MUC3A: variants seen among roughly 807,000 people sequenced by gnomAD.
MUC3A encodes mucin 3A, cell surface associated, also known as mucin-3A.
In MUC3A, 109 loss-of-function variants were observed where a neutral mutation model predicts 109.0. The observed-to-expected ratio is 1.00, with a 90% CI of 0.86 to 1.17. The LOEUF is 1.17. MUC3A is among the 50% of genes most tolerant of loss of function. The pLI, the probability that MUC3A is intolerant of heterozygous loss-of-function variation, is 0.00. For synonymous variants in MUC3A, 1,398 were observed against 981.4 expected (o/e 1.42, Z -7.93); for missense variants, 3,537 against 2,469.4 (o/e 1.43, Z -9.16).
chr7:100,963,164 C>T lies in MUC3A; in HGVS notation c.9066C>T (p.Thr3022=), dbSNP rs549733726. ...TGCTCTGTGTAGATGTAGTGGAGAC[C>T]GAGGTGGGCATGGAAGTGTCTGTGG... is the stretch of plus-strand genomic sequence containing the variant. ...VEQVDLDVVE[T]EVGMEVSVDQ... is the part of the protein sequence containing the mutation. Residue 3022 remains threonine (T), a synonymous_variant, in exon 4 of 12, where the codon ACC becomes ACT. Transcript: ENST00000379458. 1.8e-5 allele frequency: 28 copies of T among 1,598,242 alleles called. No homozygotes were observed. Among genetic ancestry groups the T allele is most frequent in the Admixed American group, 1.5e-4 (9 of 59,994 alleles).
chr7:100,953,066 G>A lies in MUC3A; in HGVS notation c.1287G>A (p.Val429=). The stretch of plus-strand genomic sequence containing the variant: ...TTCCCCCTACCTCAGGTACTATGGT[G>A]ACTTCCACAACCATGACCCCATCTT... The part of the protein sequence containing the change: ...SSLPPTSGTM[V]TSTTMTPSSL... The change falls in exon 2 of 12, where the codon GTG becomes GTA. Residue 429 remains valine (V), a synonymous_variant. Transcript: ENST00000379458. 3 of 1,366,328 alleles carry A rather than the reference G, an allele frequency of 2.2e-6. No individual in the cohort carries two copies. The highest frequency in any genetic ancestry group is 1.2e-5 in the South Asian group (1 of 85,986). The allele number at this position is 1,366,328 out of a possible 1,614,324, so 84.6% of individuals were successfully genotyped here.
chr7:100,962,257 A>C (rs1309951671), intron 3 of MUC3A, among the ~76,000 whole-genome samples: 3 of 150,716 alleles, frequency 2.0e-5, no homozygotes, highest in East Asian at 4.0e-4. Flanking sequence ...AAAAAAAAAA[A>C]AAAAAAAAAA....
chr7:100,964,985 A>ATGCCAT, intron 6 of MUC3A, 142 bp downstream of exon 6: 5 of 1,340,826 alleles, frequency 3.7e-6, no homozygotes, highest in Non-Finnish European at 5.0e-6. Context: ...TCCACACACA[A>ATGCCAT]CGGTGTCAAG....
Position 100,954,771 on chromosome 7 carries a change from G to C in MUC3A, c.2992G>C (p.Val998Leu). ...TLTPTTDIST[V>L]SLTTAMTSPP... Reference sequence around the variant, plus strand: ...GACTCCTACAACTGACATTTCTACAGTATCTCTCACAACAGCCATGACTTC... The same window carrying C: ...GACTCCTACAACTGACATTTCTACACTATCTCTCACAACAGCCATGACTTC... The change falls in exon 2 of 12, where the codon GTA becomes CTA. Residue 998 changes from valine to leucine, a missense_variant. By Grantham distance (32) the Val-to-Leu change is conservative. Coordinates refer to ENST00000379458, the MANE Select transcript of MUC3A (RefSeq NM_005960.2). The C allele has an allele frequency of 2.5e-6, 1 of 402,512 alleles. No homozygotes were observed. The highest frequency in any genetic ancestry group is 3.6e-5 in the East Asian group (1 of 28,118). 24.9% of individuals were successfully genotyped at this position (402,512 alleles called of 1,614,324 possible).
Position 100,958,797 on chromosome 7 carries a change from A to T in MUC3A, c.7018A>T (p.Ser2340Cys). ...TTETTSHNTRSFTSSITTTET... is the reference protein window; with the variant it reads ...TTETTSHNTRCFTSSITTTET... ...CGAGACCACCTCACACAATACTCGC[A>T]GCTTCACTTCTTCGATCACCACCAC... is the stretch of plus-strand genomic sequence containing the variant. Residue 2340 changes from serine to cysteine, a missense_variant, in exon 2 of 12, where the codon AGC (serine) becomes TGC (cysteine). Physicochemically the swap from Ser to Cys is moderately radical, Grantham distance 112. Transcript: ENST00000379458. The T allele has an allele frequency of 8.1e-7, 1 of 1,229,452 alleles. No individual in the cohort carries two copies. Among genetic ancestry groups the T allele is most frequent in the South Asian group, 1.9e-5 (1 of 52,842 alleles). 76.2% of individuals were successfully genotyped at this position (1,229,452 alleles called of 1,614,324 possible). A position where few individuals can be genotyped will look rare whatever the true frequency, so the allele number is the denominator to read the frequency against.
At chr7:100,965,415 C>CA in intron 7 of MUC3A, 68 bp downstream of exon 7, 7 of 1,561,664 alleles carry the variant, frequency 4.5e-6, no homozygotes, top group Non-Finnish European at 6.0e-6. Context: ...GACATTTGCC[C>CA]ATTGAAGCCT....
chr7:100,959,658 TCA>T lies in MUC3A; in HGVS notation c.7882_7883del (p.Gln2628GlyfsTer5), dbSNP rs1563069135. On this transcript the variant is annotated frameshift_variant, in exon 2 of 12. Coordinates refer to ENST00000379458, the MANE Select transcript of MUC3A (RefSeq NM_005960.2). LOFTEE classifies it high-confidence loss of function. Reference sequence around the variant, plus strand: ...AGCCTTGAGCACGATCGTGTCAACATCACAGGTTCCTATTCCTAGCACACATT... The same window carrying T: ...AGCCTTGAGCACGATCGTGTCAACATCAGGTTCCTATTCCTAGCACACATT... The part of the protein sequence containing the change: ...STALSTIVST[S>X]QVPIPSTHSS... 1.9e-6 allele frequency: 3 copies of T among 1,598,412 alleles called. No individual in the cohort carries two copies. Among genetic ancestry groups the T allele is most frequent in the African/African-American group, 1.3e-5 (1 of 74,960 alleles).
At position 100,956,837 on chromosome 7, in the gene MUC3A, C is replaced by T. The variant is rs1005479377; in HGVS notation, c.5058C>T (p.Ile1686=). The T allele has an allele frequency of 5.8e-5, 24 of 415,154 alleles. No homozygotes were observed. The East Asian group carries it at 7.1e-4, about 12-fold the overall frequency. 25.7% of individuals were successfully genotyped at this position (415,154 alleles called of 1,614,324 possible). ...HTQSISSPPA[I]TSTLHTTAES... Reference sequence around the variant, plus strand: ...AGAGTATCTCCTCACCCCCAGCCATCACCAGTACACTCCACACAACAGCTG... The same window carrying T: ...AGAGTATCTCCTCACCCCCAGCCATTACCAGTACACTCCACACAACAGCTG... The change falls in exon 2 of 12, where the codon ATC becomes ATT. Residue 1686 remains isoleucine, a synonymous_variant. Transcript: ENST00000379458.
At chr7:100,966,035 T>C (rs1430107683) in intron 8 of MUC3A, 169 bp downstream of exon 8, 4 of 1,150,228 alleles carry the variant, frequency 3.5e-6, no homozygotes, top group Non-Finnish European at 4.7e-6. Flanking sequence ...AGCCCTGCCC[T>C]GGAGCTCTGC....
At position 100,957,864 on chromosome 7, in the gene MUC3A, T is replaced by A; in HGVS notation, c.6085T>A (p.Ser2029Thr). Reference protein sequence around the residue: ...TSHNTPSLTSSITTTETTSHS... With the variant: ...TSHNTPSLTSTITTTETTSHS... Reference sequence around the variant, plus strand: ...CCACAATACTCCCAGCTTGACTTCTTCGATCACAACCACCGAGACCACATC... The same window carrying A: ...CCACAATACTCCCAGCTTGACTTCTACGATCACAACCACCGAGACCACATC... The change falls in exon 2 of 12, where the codon TCG becomes ACG. Residue 2029 changes from serine to threonine, a missense_variant. Transcript: ENST00000379458. The A allele has an allele frequency of 1.3e-6, 1 of 748,172 alleles. No homozygotes were observed. 46.3% of individuals were successfully genotyped at this position (748,172 alleles called of 1,614,324 possible).
chr7:100,961,111 CA>C, intron 3 of MUC3A, 174 bp downstream of exon 3: 1 of 976,748 alleles, frequency 1.0e-6, no homozygotes, highest in Non-Finnish European at 1.2e-6. Context: ...TCTCCGTCCT[CA>C]CCCTTAGGAG....
chr7:100,954,710 C>T lies in MUC3A; in HGVS notation c.2931C>T (p.Pro977=), dbSNP rs1007901144. 2.8e-3 allele frequency: 1,140 copies of T among 400,470 alleles called. 13 individuals carry two copies. The highest frequency in any genetic ancestry group is 0.015 in the East Asian group (428 of 28,092). 24.8% of individuals were successfully genotyped at this position (400,470 alleles called of 1,614,324 possible). A position where few individuals can be genotyped will look rare whatever the true frequency, so the allele number is the denominator to read the frequency against. Residue 977 remains proline (P), a synonymous_variant, in exon 2 of 12, where the codon CCC becomes CCT. Coordinates refer to ENST00000379458, the MANE Select transcript of MUC3A (RefSeq NM_005960.2). ...CAGGCAGAGGTCAGACCACCTTTCC[C>T]AGCTCTACAGCCACATTCCCTGAGA... ...STTGRGQTTF[P]SSTATFPETT...
chr7:100,965,540 G>T lies in MUC3A; in HGVS notation c.9449-164G>T, dbSNP rs1036359919. On this transcript the variant is annotated intron_variant, in intron 7 of 11. Coordinates refer to ENST00000379458, the MANE Select transcript of MUC3A (RefSeq NM_005960.2). Reference sequence around the variant, plus strand: ...GCAGGGGCCACGAGGAGAGGGTGAGGGTGCTGCGGGTGGCCTCCCCTCATC... The same window carrying T: ...GCAGGGGCCACGAGGAGAGGGTGAGTGTGCTGCGGGTGGCCTCCCCTCATC... 14 of 1,407,342 alleles carry T rather than the reference G, an allele frequency of 9.9e-6. No individual in the cohort carries two copies. In the African/African-American group the frequency reaches 1.0e-4, roughly 10 times the overall value. The allele number at this position is 1,407,342 out of a possible 1,614,324, so 87.2% of individuals were successfully genotyped here.
intron 6 of MUC3A, 145 bp from the exon 7 acceptor site, chr7:100,965,137 G>GCCC: frequency 1.6e-5 from 19 of 1,169,906 alleles, no homozygotes; most frequent in Non-Finnish European, 1.7e-5. Context: ...TTCGCCTGTG[G>GCCC]CTCTCTCCGT....
In MUC3A at chr7:100,965,263, T is replaced by C. The variant is rs1473294267; in HGVS notation, c.9383-19T>C. 46 of 1,598,294 alleles carry C rather than the reference T, an allele frequency of 2.9e-5. No homozygotes were observed. The highest frequency in any genetic ancestry group is 3.7e-5 in the Non-Finnish European group (44 of 1,179,412). On this transcript the variant is annotated intron_variant, in intron 6 of 11. Transcript: ENST00000379458. ...CTTGATCTGCCCCGCCCATTCCATC[T>C]GTGCCTGTGTTTCCGCAGCCCTGTG...
In MUC3A at chr7:100,952,314, A is replaced by G; in HGVS notation, c.535A>G (p.Thr179Ala). The change falls in exon 2 of 12, where the codon ACT becomes GCT. Residue 179 changes from threonine (T) to alanine (A), a missense_variant. Physicochemically the swap from Thr to Ala is moderately conservative, Grantham distance 58. Coordinates refer to ENST00000379458, the MANE Select transcript of MUC3A (RefSeq NM_005960.2). Reference sequence around the variant, plus strand: ...CACCAGTACTTACTCTATGACCACTACTGAGAAAGGAACGTCAGCCATGAC... The same window carrying G: ...CACCAGTACTTACTCTATGACCACTGCTGAGAAAGGAACGTCAGCCATGAC... ...TVTSTYSMTT[T>A]EKGTSAMTSS... The G allele has an allele frequency of 6.3e-7, 1 of 1,598,542 alleles. No homozygotes were observed. Among genetic ancestry groups the G allele is most frequent in the Non-Finnish European group, 8.5e-7 (1 of 1,179,784 alleles).
chr7:100,957,729 AC>A lies in MUC3A; in HGVS notation c.5952del (p.Thr1985ProfsTer11). 7.3e-7 allele frequency: 1 copy of A among 1,367,310 alleles called. No individual in the cohort carries two copies. The highest frequency in any genetic ancestry group is 1.0e-6 in the Non-Finnish European group (1 of 978,354). The allele number at this position is 1,367,310 out of a possible 1,614,324, so 84.7% of individuals were successfully genotyped here. On this transcript the variant is annotated frameshift_variant, in exon 2 of 12. Transcript: ENST00000379458. LOFTEE classifies it high-confidence loss of function. ...CACTTCTTCAATCACCACCACCAAG[AC>A]CACCTCACACAGTACTCCCAGCTAC... is the stretch of plus-strand genomic sequence containing the variant. ...SLTSSITTTKTTSHSTPSYTS... is the reference protein window; with the variant it reads ...SLTSSITTTKXTSHSTPSYTS...
intron 1 of MUC3A, 136 bp from the exon 2 acceptor site, chr7:100,951,705 G>C (rs1318923637): frequency 7.4e-7 from 1 of 1,345,084 alleles, no homozygotes; most frequent in African/African-American, 1.5e-5. Flanking sequence ...TGCCTCTGAT[G>C]CAGGAGTCAG....
chr7:100,950,262 G>T (rs1287496293), intron 1 of MUC3A, among the ~76,000 whole-genome samples: 1 of 152,308 alleles, frequency 6.6e-6, no homozygotes, highest in East Asian at 1.9e-4. Context: ...TACCAGGGCC[G>T]GGGCAGGGAG....
Sources: allele counts gnomAD v4.1 joint callset (sites outside exome capture counted in the v4.1 genomes callset), GRCh38; gene constraint gnomAD v4.1.1; transcripts MANE v1.5; gene names NCBI Gene and HGNC (gene_info 2026-07-23, HGNC 2026-07-21).